GREB1L: variants seen among roughly 807,000 people sequenced by gnomAD.
GREB1L encodes GREB1-like protein.
Under a neutral mutation model 200.8 loss-of-function variants are expected in GREB1L, and 17 were observed. That is an observed-to-expected ratio of 0.08 (90% CI 0.06 to 0.13). The LOEUF (loss-of-function observed/expected upper bound fraction) is 0.13. Among genes scored for constraint, GREB1L ranks in the 10% least tolerant of loss-of-function variants. GREB1L has a pLI of 1.00. For missense variants in GREB1L, 1,657 were observed against 2,367.7 expected, an observed-to-expected ratio of 0.70 and a Z score of 6.23; for synonymous variants, 789 against 893.0, an observed-to-expected ratio of 0.88 and a Z score of 2.08.
chr18:21,349,861 G>A (rs966667655), intron 1 of GREB1L, among the ~76,000 whole-genome samples: 3 of 152,082 alleles, frequency 2.0e-5, no homozygotes, highest in African/African-American at 7.2e-5. Flanking sequence ...CACAATAAAT[G>A]TAATGGGCTT....
intron 7 of GREB1L, among the ~76,000 whole-genome samples, chr18:21,416,272 A>G (rs2144783215): frequency 6.6e-6 from 1 of 152,286 alleles, no homozygotes; most frequent in East Asian, 1.9e-4. Flanking sequence ...AGAAAATGAA[A>G]CGAACATCAG....
intron 1 of GREB1L, among the ~76,000 whole-genome samples, chr18:21,318,429 T>G (rs1279948960): frequency 6.6e-6 from 1 of 152,198 alleles, no homozygotes; most frequent in Non-Finnish European, 1.5e-5. Flanking sequence ...TTCCTTATCC[T>G]TTCTTAATTC....
At chr18:21,339,580 G>A (rs2039237900) in intron 1 of GREB1L, among the ~76,000 whole-genome samples, 1 of 152,160 alleles carries the variant, frequency 6.6e-6, no homozygotes, top group Middle Eastern at 3.2e-3. Context: ...TCTTGAACAA[G>A]TCACTCAACC....
intron 28 of GREB1L, among the ~76,000 whole-genome samples, chr18:21,514,715 A>C (rs1167946578): frequency 6.6e-6 from 1 of 152,190 alleles, no homozygotes; most frequent in Admixed American, 6.5e-5. Flanking sequence ...GGGATTACCA[A>C]GTGTGAGCCA....
intron 1 of GREB1L, among the ~76,000 whole-genome samples, chr18:21,310,989 A>G (rs2038781059): frequency 6.6e-6 from 1 of 152,166 alleles, no homozygotes; most frequent in Non-Finnish European, 1.5e-5. Flanking sequence ...GAGGGCCTAT[A>G]TCACCAAACT....
intron 21 of GREB1L, among the ~76,000 whole-genome samples, chr18:21,497,608 C>A (rs1272447500): frequency 6.6e-6 from 1 of 150,400 alleles, no homozygotes; most frequent in Non-Finnish European, 1.5e-5. Context: ...CGCACCACTG[C>A]ACTCCATTCT....
intron 7 of GREB1L, among the ~76,000 whole-genome samples, chr18:21,426,057 ATTT>A (rs201525429): frequency 7.4e-5 from 10 of 134,628 alleles, no homozygotes; most frequent in Admixed American, 1.5e-4. Context: ...TTTTAGGTTA[ATTT>A]TTTTTTTTTT....
chr18:21,446,300 G>A (rs1038940063), intron 11 of GREB1L, among the ~76,000 whole-genome samples: 2 of 152,318 alleles, frequency 1.3e-5, no homozygotes, highest in South Asian at 2.1e-4. Flanking sequence ...TGGGATTACA[G>A]GCATGAGTCA....
intron 7 of GREB1L, among the ~76,000 whole-genome samples, chr18:21,437,392 A>G (rs1246541424): frequency 6.6e-6 from 1 of 152,224 alleles, no homozygotes; most frequent in African/African-American, 2.4e-5. Flanking sequence ...GTAATAGATC[A>G]GTAATCATCA....
intron 1 of GREB1L, among the ~76,000 whole-genome samples, chr18:21,337,496 C>T (rs1030745958): frequency 1.1e-4 from 17 of 152,150 alleles, no homozygotes; most frequent in African/African-American, 1.9e-4. Flanking sequence ...AATGGCAAAA[C>T]GGCCTTTCAA....
At chr18:21,517,032 C>T (rs1250376931) in intron 30 of GREB1L, among the ~76,000 whole-genome samples, 2 of 151,886 alleles carry the variant, frequency 1.3e-5, no homozygotes, top group African/African-American at 4.8e-5. Context: ...TGCCACCACG[C>T]TTGGATAATT....
At chr18:21,326,857 T>C (rs1386440155) in intron 1 of GREB1L, among the ~76,000 whole-genome samples, 1 of 152,224 alleles carries the variant, frequency 6.6e-6, no homozygotes, top group Non-Finnish European at 1.5e-5. Flanking sequence ...CCTCCTCCTT[T>C]TTCCCTAAAC....
intron 9 of GREB1L, among the ~76,000 whole-genome samples, 161 bp from the exon 10 acceptor site, chr18:21,441,238 GT>G (rs1054201668): frequency 4.0e-5 from 6 of 151,896 alleles, no homozygotes; most frequent in Admixed American, 3.3e-4. Context: ...TTCTCCTTTT[GT>G]TTTTTTCACT....
rs1000395889 is a variant in GREB1L at position 21,412,285 on chromosome 18, T to C, written c.832+8291T>C. On this transcript the variant is annotated intron_variant, in intron 7 of 32. Transcript: ENST00000424526. ...AAAATTAGCAACGTGTGTTGACACATGCCTGTAGTCCCACTTATTTGGGGA... is the reference window on the plus strand; with the variant it reads ...AAAATTAGCAACGTGTGTTGACACACGCCTGTAGTCCCACTTATTTGGGGA... 2.6e-5 allele frequency among the ~76,000 whole-genome samples: 4 copies of C among 151,916 alleles called. No homozygotes were observed. In the East Asian group the frequency reaches 5.8e-4, roughly 22 times the overall value.
intron 21 of GREB1L, among the ~76,000 whole-genome samples, chr18:21,497,362 T>C (rs2036584583): frequency 6.6e-6 from 1 of 152,176 alleles, no homozygotes; most frequent in African/African-American, 2.4e-5. Flanking sequence ...ACATGGAAAA[T>C]GTCGGCCGGG....
intron 1 of GREB1L, among the ~76,000 whole-genome samples, chr18:21,292,410 G>A (rs188883883): frequency 1.3e-5 from 2 of 152,252 alleles, no homozygotes; most frequent in Admixed American, 1.3e-4. Flanking sequence ...TATACTGTTT[G>A]GTGTTATTTG....
chr18:21,384,430 G>A, intron 4 of GREB1L, 27 bp downstream of exon 4: 1 of 1,515,006 alleles, frequency 6.6e-7, no homozygotes, highest in Non-Finnish European at 8.9e-7. Flanking sequence ...TTTTCTTTTT[G>A]CTATTTTGTC....
chr18:21,420,055 ACTT>A (rs2032015758), intron 7 of GREB1L, among the ~76,000 whole-genome samples: 1 of 152,138 alleles, frequency 6.6e-6, no homozygotes, highest in Non-Finnish European at 1.5e-5. Flanking sequence ...TAAATTAAGA[ACTT>A]CTCCTTCAAA....
At chr18:21,331,207 T>G (rs1201765079) in intron 1 of GREB1L, among the ~76,000 whole-genome samples, 5 of 152,226 alleles carry the variant, frequency 3.3e-5, no homozygotes, top group Admixed American at 3.3e-4. Context: ...ATGCTTGCAC[T>G]TAAATAGGCA....
Sources: gnomAD v4.1 joint callset for allele counts (sites outside exome capture counted in the v4.1 genomes callset) on GRCh38, gnomAD v4.1.1 for gene constraint, MANE v1.5 for transcripts, NCBI Gene and HGNC (gene_info 2026-07-23, HGNC 2026-07-21) for gene names.